Variants in FAM169A observed in about 807,000 individuals in gnomAD.
FAM169A encodes family with sequence similarity 169 member A, also known as soluble lamin-associated protein of 75 kDa.
Under a neutral mutation model 75.7 loss-of-function variants are expected in FAM169A, and 24 were observed. That is an observed-to-expected ratio of 0.32 (90% CI 0.23 to 0.45). The LOEUF (loss-of-function observed/expected upper bound fraction) is 0.45, where lower values mean the gene tolerates loss of function less well. Ranked by LOEUF, FAM169A falls within the 20% of genes least tolerant of loss-of-function variation. The pLI is 1.00. For missense variants in FAM169A, 673 were observed against 784.0 expected (o/e 0.86, Z 1.69); for synonymous variants, 271 against 271.0 (o/e 1.00, Z 0.00).
chr5:74,798,132 C>T (rs1746373373), intron 10 of FAM169A, among the ~76,000 whole-genome samples: 1 of 152,220 alleles, frequency 6.6e-6, no homozygotes, highest in Non-Finnish European at 1.5e-5. Flanking sequence ...TAGAATCCAA[C>T]ACTCTTTCCT....
At chr5:74,793,319 A>AT (rs1204888276) in intron 11 of FAM169A, among the ~76,000 whole-genome samples, 1 of 141,212 alleles carries the variant, frequency 7.1e-6, no homozygotes, top group Non-Finnish European at 1.6e-5. Context: ...CCAAGAGTCC[A>AT]TTTCAAAAAA....
intron 5 of FAM169A, among the ~76,000 whole-genome samples, chr5:74,824,114 C>T (rs991307044): frequency 1.3e-5 from 2 of 151,986 alleles, no homozygotes; most frequent in African/African-American, 4.8e-5. Flanking sequence ...TTACAAAAAC[C>T]AGAAATACAC....
chr5:74,866,924 T>C, upstream of FAM169A: 1 of 985,492 alleles, frequency 1.0e-6, no homozygotes, highest in Non-Finnish European at 1.2e-6. Context: ...CTACTGCCAC[T>C]TAGGTGCATG....
chr5:74,792,288 A>G (rs566850033), intron 11 of FAM169A, among the ~76,000 whole-genome samples: 2 of 152,320 alleles, frequency 1.3e-5, no homozygotes, highest in South Asian at 2.1e-4. Context: ...GGTATTATCA[A>G]AAGAAATTAA....
intron 1 of FAM169A, among the ~76,000 whole-genome samples, chr5:74,861,830 T>A (rs1346935338): frequency 6.6e-6 from 1 of 152,212 alleles, no homozygotes; most frequent in Non-Finnish European, 1.5e-5. Context: ...TTGGGTGATA[T>A]TATCATTATG....
At chr5:74,837,765 C>G (rs138553903) in intron 4 of FAM169A, among the ~76,000 whole-genome samples, 1 of 152,068 alleles carries the variant, frequency 6.6e-6, no homozygotes, top group African/African-American at 2.4e-5. Flanking sequence ...CAGAGTTGGC[C>G]TATCCTAGAA....
intron 6 of FAM169A, among the ~76,000 whole-genome samples, chr5:74,808,416 C>T (rs1375467396): frequency 6.7e-6 from 1 of 148,238 alleles, no homozygotes; most frequent in Non-Finnish European, 1.5e-5. Flanking sequence ...GATGAGGTAG[C>T]TAGCATGGGC....
intron 5 of FAM169A, among the ~76,000 whole-genome samples, chr5:74,818,115 T>C (rs1432627998): frequency 6.6e-6 from 1 of 152,130 alleles, no homozygotes; most frequent in African/African-American, 2.4e-5. Context: ...TTCTTAGATA[T>C]AACACCAAAA....
Position 74,813,871 on chromosome 5 carries a change from C to T in FAM169A, c.639G>A (p.Leu213=). 1.3e-6 allele frequency: 2 copies of T among 1,597,522 alleles called. No individual in the cohort carries two copies. The highest frequency in any genetic ancestry group is 1.7e-6 in the Non-Finnish European group (2 of 1,175,350). ...VDSFTEDALG[L]RYPLSSLMYT... The stretch of plus-strand genomic sequence containing the variant: ...ACATGAGAGAAGACAGTGGATACCG[C>T]AAGCCAAGCGCATCTTCTGTAAAGG... The change falls in exon 6 of 13, where the codon TTG becomes TTA. Residue 213 remains leucine (L), a synonymous_variant. Coordinates refer to ENST00000687041, the MANE Select transcript of FAM169A (RefSeq NM_001376049.1).
In FAM169A at chr5:74,834,399, CA is replaced by C. The variant is rs1198494224; in HGVS notation, c.490+26del. ...CTAAAATAGAGATTTCCATAATACA[CA>C]GTTTAAATAACTTTTAAAGACTCAC... On this transcript the variant is annotated intron_variant, in intron 5 of 12. Transcript: ENST00000687041. The C allele has an allele frequency of 8.0e-6, 11 of 1,372,854 alleles. No individual in the cohort carries two copies. The African/African-American group carries it at 1.2e-4, about 15-fold the overall frequency. 85.0% of individuals were successfully genotyped at this position (1,372,854 alleles called of 1,614,324 possible).
intron 11 of FAM169A, among the ~76,000 whole-genome samples, chr5:74,789,262 T>C (rs547274730): frequency 6.6e-6 from 1 of 152,204 alleles, no homozygotes; most frequent in South Asian, 2.1e-4. Flanking sequence ...GATGAGACAT[T>C]TGCATGCCAG....
intron 11 of FAM169A, among the ~76,000 whole-genome samples, chr5:74,784,113 T>A (rs867115738): frequency 1.3e-5 from 2 of 152,194 alleles, no homozygotes; most frequent in South Asian, 4.1e-4. Context: ...GAGAGACATA[T>A]AATCTAGAGT....
At chr5:74,799,418 G>A in intron 10 of FAM169A, 3 of 1,613,102 alleles carry the variant, frequency 1.9e-6, no homozygotes, top group South Asian at 1.1e-5. Context: ...AAGCTGATTC[G>A]CTCCACAGTC....
intron 5 of FAM169A, among the ~76,000 whole-genome samples, chr5:74,831,248 A>C (rs1748294349): frequency 6.6e-6 from 1 of 152,236 alleles, no homozygotes; most frequent in Non-Finnish European, 1.5e-5. Flanking sequence ...GTTAATAGCA[A>C]TACTATAACA....
chr5:74,840,476 T>C (rs764713509), intron 2 of FAM169A, among the ~76,000 whole-genome samples: 1 of 150,952 alleles, frequency 6.6e-6, no homozygotes, highest in African/African-American at 2.4e-5. Flanking sequence ...ACAACTATAA[T>C]TTATCATCTG....
chr5:74,822,456 A>T (rs1305073377), intron 5 of FAM169A, among the ~76,000 whole-genome samples: 1 of 152,150 alleles, frequency 6.6e-6, no homozygotes, highest in Non-Finnish European at 1.5e-5. Context: ...GCCTCAGCTA[A>T]CTTTCCTCTT....
At chr5:74,782,884 AC>A in intron 12 of FAM169A, 46 bp downstream of exon 12, 2 of 1,455,054 alleles carry the variant, frequency 1.4e-6, no homozygotes, top group Non-Finnish European at 1.9e-6. Flanking sequence ...CGCTAATGTC[AC>A]CAACATTGGT....
intron 1 of FAM169A, among the ~76,000 whole-genome samples, chr5:74,853,776 C>T (rs915190965): frequency 1.3e-4 from 18 of 142,072 alleles, no homozygotes; most frequent in Non-Finnish European, 7.5e-5. Context: ...GGCGCCATCT[C>T]GGCTCACTGC....
chr5:74,786,752 G>A (rs577562369), intron 11 of FAM169A, among the ~76,000 whole-genome samples: 96 of 152,274 alleles, frequency 6.3e-4, no homozygotes, highest in Middle Eastern at 6.8e-3. Context: ...TGAAATTGTG[G>A]AAAATCAGAC....
Sources: allele counts gnomAD v4.1 joint callset (sites outside exome capture counted in the v4.1 genomes callset), GRCh38; gene constraint gnomAD v4.1.1; transcripts MANE v1.5; gene names NCBI Gene and HGNC (gene_info 2026-07-23, HGNC 2026-07-21).